IMMP2L: variants seen among roughly 807,000 people sequenced by gnomAD.
IMMP2L encodes mitochondrial inner membrane protease subunit 2.
IMMP2L carries 18 observed loss-of-function variants against 19.3 expected under a neutral mutation model. That is an observed-to-expected ratio of 0.93 (90% CI 0.64 to 1.38). The LOEUF (loss-of-function observed/expected upper bound fraction) is 1.38. Ranked by LOEUF, IMMP2L falls within the 40% of genes most tolerant of loss-of-function variation. The pLI, the probability that IMMP2L is intolerant of heterozygous loss-of-function variation, is 0.00. For synonymous variants in IMMP2L, 76 were observed against 73.0 expected (o/e 1.04, Z -0.21); for missense variants, 233 against 218.2 (o/e 1.07, Z -0.43).
chr7:110,997,152 T>C (rs1439132618), intron 3 of IMMP2L, among the ~76,000 whole-genome samples: 12 of 152,122 alleles, frequency 7.9e-5, no homozygotes, highest in Non-Finnish European at 1.6e-4. Context: ...TGATATCATA[T>C]GGAATGTACT....
At chr7:111,431,058 G>A (rs997325750) in intron 3 of IMMP2L, among the ~76,000 whole-genome samples, 4 of 151,794 alleles carry the variant, frequency 2.6e-5, no homozygotes, top group African/African-American at 7.3e-5. Flanking sequence ...AGTGAGCCAA[G>A]ATCACGCCAC....
chr7:111,162,873 C>T (rs1805420592), intron 3 of IMMP2L, among the ~76,000 whole-genome samples: 1 of 151,980 alleles, frequency 6.6e-6, no homozygotes, highest in African/African-American at 2.4e-5. Flanking sequence ...CTTGAACAAA[C>T]ACTAACATAG....
At chr7:111,209,564 A>T (rs1241520620) in intron 3 of IMMP2L, among the ~76,000 whole-genome samples, 1 of 152,124 alleles carries the variant, frequency 6.6e-6, no homozygotes. Context: ...GCTATATTCA[A>T]TCAACAAGAT....
At chr7:110,994,200 C>T (rs1822798387) in intron 3 of IMMP2L, among the ~76,000 whole-genome samples, 1 of 151,188 alleles carries the variant, frequency 6.6e-6, no homozygotes, top group East Asian at 1.9e-4. Flanking sequence ...CCCGGTTGAT[C>T]TCTGCTTAGG....
At chr7:111,464,478 C>A (rs1840427644) in intron 3 of IMMP2L, among the ~76,000 whole-genome samples, 1 of 152,078 alleles carries the variant, frequency 6.6e-6, no homozygotes, top group African/African-American at 2.4e-5. Flanking sequence ...CAAAACCATG[C>A]CTCATAAGTA....
At position 111,354,988 on chromosome 7, in the gene IMMP2L, G is replaced by C. The variant is rs144446438; in HGVS notation, c.239+132250C>G. 6.1e-4 allele frequency among the ~76,000 whole-genome samples: 93 copies of C among 151,944 alleles called. 1 individual carries two copies. The highest frequency in any genetic ancestry group is 2.0e-3 in the African/African-American group (85 of 41,518). ...ATATAGGTACTAGAATAAAATATTAGAGAATAAAGAGAAAGTGAAGGATCT... is the reference window on the plus strand; with the variant it reads ...ATATAGGTACTAGAATAAAATATTACAGAATAAAGAGAAAGTGAAGGATCT... On this transcript the variant is annotated intron_variant, in intron 3 of 5. Transcript: ENST00000405709.
intron 5 of IMMP2L, among the ~76,000 whole-genome samples, chr7:110,682,243 C>T (rs1485934560): frequency 6.6e-6 from 1 of 152,108 alleles, no homozygotes; most frequent in African/African-American, 2.4e-5. Flanking sequence ...TTGATAACTC[C>T]TCTTGACCTT....
At chr7:110,918,181 C>A (rs941200399) in intron 4 of IMMP2L, among the ~76,000 whole-genome samples, 3 of 152,102 alleles carry the variant, frequency 2.0e-5, no homozygotes, top group Admixed American at 6.6e-5. Context: ...ATAGTGTAAA[C>A]CATTAGATGT....
At chr7:110,821,702 G>A (rs1393147381) in intron 5 of IMMP2L, among the ~76,000 whole-genome samples, 1 of 151,984 alleles carries the variant, frequency 6.6e-6, no homozygotes, top group Non-Finnish European at 1.5e-5. Flanking sequence ...CATGAGGTCA[G>A]GAGATCGAGA....
intron 3 of IMMP2L, among the ~76,000 whole-genome samples, chr7:110,994,462 G>A (rs569079481): frequency 6.6e-6 from 1 of 152,242 alleles, no homozygotes; most frequent in East Asian, 1.9e-4. Context: ...TGGGCTATAA[G>A]CAGAACCCAC....
chr7:111,504,046 T>C (rs943292160), intron 2 of IMMP2L, among the ~76,000 whole-genome samples: 44 of 152,136 alleles, frequency 2.9e-4, no homozygotes, highest in Non-Finnish European at 5.1e-4. Flanking sequence ...TGTTTGCAGA[T>C]GACATGATTG....
chr7:111,541,936 A>C (rs762200176), intron 1 of IMMP2L, among the ~76,000 whole-genome samples: 11 of 152,138 alleles, frequency 7.2e-5, no homozygotes, highest in Non-Finnish European at 1.2e-4. Context: ...AAAACCAGCC[A>C]TAATAAAATC....
At chr7:111,328,076 C>G (rs144581336) in intron 3 of IMMP2L, among the ~76,000 whole-genome samples, 5 of 151,778 alleles carry the variant, frequency 3.3e-5, no homozygotes, top group Middle Eastern at 3.4e-3. Context: ...ACCTCTCAGT[C>G]ATAATAGAAC....
At chr7:111,279,513 G>A (rs947344235) in intron 3 of IMMP2L, among the ~76,000 whole-genome samples, 1 of 152,074 alleles carries the variant, frequency 6.6e-6, no homozygotes, top group Non-Finnish European at 1.5e-5. Flanking sequence ...ATTTCTACTA[G>A]CCAAAGGATG....
chr7:111,140,480 G>A (rs1258954798), intron 3 of IMMP2L, among the ~76,000 whole-genome samples: 1 of 152,142 alleles, frequency 6.6e-6, no homozygotes, highest in African/African-American at 2.4e-5. Context: ...AAAATTCAAT[G>A]TAATAGCTGG....
At chr7:111,369,768 A>C (rs963798066) in intron 3 of IMMP2L, among the ~76,000 whole-genome samples, 1 of 151,904 alleles carries the variant, frequency 6.6e-6, no homozygotes, top group Non-Finnish European at 1.5e-5. Context: ...TTCTCATAAA[A>C]GTTTTATCTC....
rs549889468 is a variant in IMMP2L, at chr7:110,924,501, A to G, written c.306-37806T>C. Among the ~76,000 whole-genome samples the G allele has an allele frequency of 6.6e-6, 1 of 152,164 alleles. No individual in the cohort carries two copies. The highest frequency in any genetic ancestry group is 1.9e-4 in the East Asian group (1 of 5,172). On this transcript the variant is annotated intron_variant, in intron 4 of 5. Transcript: ENST00000405709. This position sits in a 1 kb window ranked among gnomAD's most constrained non-coding sequence, Gnocchi z 4.2. Reference sequence around the variant, plus strand: ...ACCAGGTTTATCCTACGTTTCTCTCACTATGGGGAACTGGGCAGGCCGGTT... The same window carrying G: ...ACCAGGTTTATCCTACGTTTCTCTCGCTATGGGGAACTGGGCAGGCCGGTT...
rs1486675254 is a variant in IMMP2L, at chr7:110,803,207, G to C, written c.408+83386C>G. Among the ~76,000 whole-genome samples, 1 of 152,046 alleles carries C rather than the reference G, an allele frequency of 6.6e-6. No homozygotes were observed. Among genetic ancestry groups the C allele is most frequent in the Non-Finnish European group, 1.5e-5 (1 of 67,996 alleles). On this transcript the variant is annotated intron_variant, in intron 5 of 5. Coordinates refer to ENST00000405709, the MANE Select transcript of IMMP2L (RefSeq NM_032549.4). The surrounding 1 kb of genome is among the most constrained non-coding windows in gnomAD (Gnocchi z 4.2). ...AAAATGGACATAATCTCTGAGATAG[G>C]AATGAATAGTAGGAGCTGTGTAGGG... is the stretch of plus-strand genomic sequence containing the variant.
intron 3 of IMMP2L, among the ~76,000 whole-genome samples, chr7:111,035,442 G>A (rs1791241227): frequency 6.6e-6 from 1 of 152,084 alleles, no homozygotes; most frequent in Admixed American, 6.5e-5. Context: ...TCAGAGATGA[G>A]GTTACTTGGT....
Sources: gnomAD v4.1 joint callset for allele counts (sites outside exome capture counted in the v4.1 genomes callset) on GRCh38, gnomAD v4.1.1 for gene constraint, Gnocchi (gnomAD v3.1) non-coding constraint, MANE v1.5 for transcripts, NCBI Gene and HGNC (gene_info 2026-07-23, HGNC 2026-07-21) for gene names.